The following LRRC4C variants were observed in gnomAD, a reference collection of about 807,000 sequenced individuals.
The protein encoded by LRRC4C is leucine rich repeat containing 4C.
A neutral mutation model predicts 33.6 loss-of-function variants in LRRC4C; 5 were observed. The ratio of observed to expected loss-of-function variants is 0.15; its 90% CI spans 0.08 to 0.31. The LOEUF (loss-of-function observed/expected upper bound fraction) is 0.31, where lower values mean the gene tolerates loss of function less well. LRRC4C is among the 10% of genes least tolerant of loss of function. LRRC4C has a pLI of 1.00. For missense variants in LRRC4C, 560 were observed against 796.7 expected, an observed-to-expected ratio of 0.70 and a Z score of 3.58; for synonymous variants, 329 against 302.0, an observed-to-expected ratio of 1.09 and a Z score of -0.93.
chr11:40,751,950 A>G (rs1948708382), intron 2 of LRRC4C, among the ~76,000 whole-genome samples: 1 of 152,152 alleles, frequency 6.6e-6, no homozygotes. Flanking sequence ...AAATCAATGT[A>G]TTTATAGCCA....
chr11:40,374,518 T>C (rs1948584617), intron 3 of LRRC4C, among the ~76,000 whole-genome samples: 2 of 152,208 alleles, frequency 1.3e-5, no homozygotes, highest in Non-Finnish European at 2.9e-5. Context: ...ATGTACCAGG[T>C]GAACAGAGCC....
In LRRC4C at chr11:40,206,072, C is replaced by T. The variant is rs1176056291; in HGVS notation, c.-96+35447G>A. Among the ~76,000 whole-genome samples the T allele has an allele frequency of 3.3e-5, 5 of 152,088 alleles. No homozygotes were observed. The East Asian group carries it at 9.6e-4, about 29-fold the overall frequency. The stretch of plus-strand genomic sequence containing the variant: ...CTTGTATCCTAGGCTTAGAGCTCTT[C>T]AAGGGCAAAGTTATTTATCTTATTA... On this transcript the variant is annotated intron_variant, in intron 5 of 6. Coordinates refer to ENST00000528697, the MANE Select transcript of LRRC4C (RefSeq NM_001258419.2).
chr11:41,199,862 A>G (rs1244824235), intron 1 of LRRC4C, among the ~76,000 whole-genome samples: 7 of 152,052 alleles, frequency 4.6e-5, no homozygotes, highest in African/African-American at 1.7e-4. Flanking sequence ...GTCACCCCCT[A>G]AGTGATGGAG....
intron 2 of LRRC4C, among the ~76,000 whole-genome samples, chr11:40,909,400 G>A (rs1218501578): frequency 1.3e-5 from 2 of 151,972 alleles, no homozygotes; most frequent in Non-Finnish European, 2.9e-5. Flanking sequence ...ACATTGAAAA[G>A]AATGAAAAAC....
chr11:40,901,940 T>G (rs1181269651), intron 2 of LRRC4C, among the ~76,000 whole-genome samples: 1 of 151,602 alleles, frequency 6.6e-6, no homozygotes, highest in Non-Finnish European at 1.5e-5. Context: ...AGTAAAATGA[T>G]GCTATTGCCT....
chr11:41,172,774 T>C (rs1398136164), intron 1 of LRRC4C, among the ~76,000 whole-genome samples: 1 of 152,216 alleles, frequency 6.6e-6, no homozygotes, highest in East Asian at 1.9e-4. Context: ...TTTTAAAACT[T>C]GACTGAATAA....
chr11:40,999,998 G>A (rs1228074668), intron 1 of LRRC4C, among the ~76,000 whole-genome samples: 2 of 152,036 alleles, frequency 1.3e-5, no homozygotes, highest in African/African-American at 4.8e-5. Context: ...TAGAATGGCT[G>A]GAGAACAAGG....
intron 1 of LRRC4C, among the ~76,000 whole-genome samples, chr11:41,404,512 AC>A (rs2138142489): frequency 7.9e-6 from 1 of 126,616 alleles, no homozygotes; most frequent in East Asian, 2.6e-4. Context: ...ACACAGACAC[AC>A]ACACAGACAC....
chr11:40,179,723 A>G (rs1860825726), intron 5 of LRRC4C, among the ~76,000 whole-genome samples: 2 of 152,226 alleles, frequency 1.3e-5, no homozygotes, highest in Admixed American at 1.3e-4. Context: ...AGCAGCGGAG[A>G]AAAGACAGGA....
intron 1 of LRRC4C, among the ~76,000 whole-genome samples, chr11:41,070,194 C>A (rs933570023): frequency 1.3e-5 from 2 of 152,128 alleles, no homozygotes; most frequent in Non-Finnish European, 2.9e-5. Flanking sequence ...ATAAATGGTG[C>A]TGAGAAAACC....
chr11:40,307,872 T>C (rs1256577768), intron 4 of LRRC4C, among the ~76,000 whole-genome samples: 1 of 152,242 alleles, frequency 6.6e-6, no homozygotes, highest in East Asian at 1.9e-4. Context: ...AGTCATATAA[T>C]TGAGCCAATA....
In LRRC4C at chr11:40,326,775, T is replaced by C. The variant is rs111450975; in HGVS notation, c.-269-7054A>G. On this transcript the variant is annotated intron_variant, in intron 3 of 6. Transcript: ENST00000528697. ...TCAGTATTGTTGGATTTCATTCTCA[T>C]TGCAATGGAATCTTCTAAGATATAA... 5.7e-4 allele frequency among the ~76,000 whole-genome samples: 87 copies of C among 152,312 alleles called. 6 individuals carry two copies. In the South Asian group the frequency reaches 0.013, roughly 23 times the overall value.
intron 1 of LRRC4C, among the ~76,000 whole-genome samples, chr11:41,332,117 TCA>T (rs2137381231): frequency 6.6e-6 from 1 of 152,318 alleles, no homozygotes; most frequent in African/African-American, 2.4e-5. Context: ...ACAGTACCTT[TCA>T]CAGAGTCGAA....
intron 1 of LRRC4C, among the ~76,000 whole-genome samples, chr11:41,242,118 G>A (rs1338735591): frequency 6.6e-6 from 1 of 151,678 alleles, no homozygotes; most frequent in Non-Finnish European, 1.5e-5. Context: ...TGCCTTTTTT[G>A]CAAGCCATTC....
intron 1 of LRRC4C, among the ~76,000 whole-genome samples, chr11:41,235,354 T>A (rs996248775): frequency 2.0e-5 from 3 of 152,104 alleles, no homozygotes; most frequent in Non-Finnish European, 4.4e-5. Context: ...GTAGTTACTT[T>A]GATCTATATT....
At chr11:40,449,534 G>GA (rs1456542364) in intron 3 of LRRC4C, among the ~76,000 whole-genome samples, 1 of 152,000 alleles carries the variant, frequency 6.6e-6, no homozygotes, top group African/African-American at 2.4e-5. Flanking sequence ...TAAAGCTAGG[G>GA]AAAACCGAGG....
chr11:40,136,361 G>T (rs948414337), intron 6 of LRRC4C, among the ~76,000 whole-genome samples: 1 of 152,068 alleles, frequency 6.6e-6, no homozygotes, highest in African/African-American at 2.4e-5. Flanking sequence ...CTGCCTCCTG[G>T]GTTCACGCCA....
intron 3 of LRRC4C, among the ~76,000 whole-genome samples, chr11:40,352,454 T>C (rs1206567270): frequency 3.9e-5 from 6 of 151,946 alleles, no homozygotes; most frequent in Admixed American, 3.3e-4. Context: ...ATCTTCTTTT[T>C]AAATTTTATT....
intron 1 of LRRC4C, among the ~76,000 whole-genome samples, chr11:41,210,071 C>A (rs543732325): frequency 6.6e-6 from 1 of 152,250 alleles, no homozygotes; most frequent in Admixed American, 6.5e-5. Context: ...TGAAACCAAC[C>A]CTGTTGGCAC....
Sources: gnomAD v4.1 joint callset for allele counts (sites outside exome capture counted in the v4.1 genomes callset) on GRCh38, gnomAD v4.1.1 for gene constraint, MANE v1.5 for transcripts, NCBI Gene and HGNC (gene_info 2026-07-23, HGNC 2026-07-21) for gene names.